Variants in PHC2 observed in about 807,000 individuals in gnomAD.
PHC2 encodes the protein polyhomeotic homolog 2.
In PHC2, 29 loss-of-function variants were observed where a neutral mutation model predicts 87.4. That is an observed-to-expected ratio of 0.33 (90% CI 0.25 to 0.45). The LOEUF is 0.45. PHC2 is among the 20% of genes least tolerant of loss of function. PHC2 has a pLI of 1.00. For synonymous variants in PHC2, 438 were observed against 461.7 expected, an observed-to-expected ratio of 0.95 and a Z score of 0.66; for missense variants, 857 against 1,136.7, an observed-to-expected ratio of 0.75 and a Z score of 3.54.
intron 1 of PHC2, among the ~76,000 whole-genome samples, chr1:33,411,027 C>T (rs142156448): frequency 2.0e-3 from 297 of 152,210 alleles, no homozygotes; most frequent in African/African-American, 6.6e-3. Context: ...ATTATGATTA[C>T]TAGTGCAAAA....
chr1:33,346,767 A>G (rs1045502879), intron 9 of PHC2: 2 of 985,400 alleles, frequency 2.0e-6, no homozygotes, highest in Non-Finnish European at 2.4e-6. Flanking sequence ...CCACAGCCTA[A>G]AGGAGGACAG....
At position 33,331,278 on chromosome 1, in the gene PHC2, G is replaced by A. The variant is rs6668431; in HGVS notation, c.2006+70C>T. 10,120 of 820,952 alleles carry A rather than the reference G, an allele frequency of 0.012. 106 individuals are homozygous for A. The highest frequency in any genetic ancestry group is 0.014 in the Non-Finnish European group (6,953 of 495,334). 50.9% of individuals were successfully genotyped at this position (820,952 alleles called of 1,614,324 possible). On this transcript the variant is annotated intron_variant, in intron 12 of 14. Coordinates refer to ENST00000683057, the MANE Select transcript of PHC2 (RefSeq NM_001385109.1). This position sits in a 1 kb window ranked among gnomAD's most constrained non-coding sequence, Gnocchi z 5.2. ...CCACCCCTATGGACCTCCTGGGGTA[G>A]ACTATTAATGGCAGGAGGTGGGACA...
intron 1 of PHC2, among the ~76,000 whole-genome samples, chr1:33,379,276 TTG>T: frequency 7.2e-6 from 1 of 139,118 alleles, no homozygotes; most frequent in South Asian, 2.5e-4. Flanking sequence ...GTTCTAGGCT[TTG>T]TCTCCCCGCC....
chr1:33,330,262 G>T, intron 12 of PHC2, 50 bp from the exon 13 acceptor site: 1 of 1,595,626 alleles, frequency 6.3e-7, no homozygotes. Flanking sequence ...TGTGCTTATG[G>T]GCCGTAGGCA....
At chr1:33,339,404 C>T (rs111856719) in intron 9 of PHC2, among the ~76,000 whole-genome samples, 19 of 152,114 alleles carry the variant, frequency 1.2e-4, no homozygotes, top group African/African-American at 3.1e-4. Flanking sequence ...ACCTGCCTAC[C>T]GGAGCGGCAT....
intron 1 of PHC2, among the ~76,000 whole-genome samples, chr1:33,403,823 T>C (rs138780645): frequency 6.6e-5 from 10 of 152,192 alleles, no homozygotes; most frequent in Admixed American, 3.9e-4. Context: ...ATTCTTTTCC[T>C]TGAAACAGTA....
intron 1 of PHC2, among the ~76,000 whole-genome samples, chr1:33,416,584 G>GGA (rs376546114): frequency 8.6e-6 from 1 of 115,842 alleles, no homozygotes; most frequent in Non-Finnish European, 1.7e-5. Flanking sequence ...TCAAAAAAAA[G>GGA]AAAAAAAAAA....
intron 4 of PHC2, 152 bp downstream of exon 4, chr1:33,370,865 G>A (rs1346186593): frequency 2.7e-6 from 2 of 733,230 alleles, no homozygotes; most frequent in African/African-American, 1.7e-5. Flanking sequence ...AGGTCAGTAA[G>A]AGACATGCCC....
intron 1 of PHC2, among the ~76,000 whole-genome samples, chr1:33,423,797 T>C (rs557471385): frequency 3.3e-4 from 51 of 152,298 alleles, no homozygotes; most frequent in African/African-American, 1.1e-3. Flanking sequence ...ACATATTTTT[T>C]ATTTAGAAAG....
At chr1:33,400,965 A>T (rs569397936) in intron 1 of PHC2, among the ~76,000 whole-genome samples, 7 of 152,312 alleles carry the variant, frequency 4.6e-5, no homozygotes, top group Non-Finnish European at 8.8e-5. Flanking sequence ...AAATAAAAGC[A>T]TTAAAGGAAT....
At chr1:33,394,085 T>A (rs144876342) in intron 1 of PHC2, among the ~76,000 whole-genome samples, 133 of 152,274 alleles carry the variant, frequency 8.7e-4, no homozygotes, top group African/African-American at 3.0e-3. Context: ...ATAATAAATT[T>A]CAGAAAATTT....
chr1:33,327,789 A>G (rs1274836464), intron 14 of PHC2, among the ~76,000 whole-genome samples: 1 of 152,176 alleles, frequency 6.6e-6, no homozygotes, highest in African/African-American at 2.4e-5. Flanking sequence ...CCCAGGGCAA[A>G]TCACGTGAGT....
chr1:33,405,161 C>T (rs943493233), intron 1 of PHC2, among the ~76,000 whole-genome samples: 8 of 151,316 alleles, frequency 5.3e-5, no homozygotes, highest in Admixed American at 1.3e-4. Context: ...TCTCCTCAAT[C>T]AGTCTTTATA....
intron 1 of PHC2, among the ~76,000 whole-genome samples, chr1:33,428,809 A>C (rs972716899): frequency 3.3e-5 from 5 of 152,202 alleles, no homozygotes; most frequent in African/African-American, 1.2e-4. Flanking sequence ...AACAGAAAGG[A>C]GGAGGCATTG....
intron 1 of PHC2, among the ~76,000 whole-genome samples, chr1:33,418,943 T>C (rs1486969540): frequency 6.6e-6 from 1 of 152,220 alleles, no homozygotes; most frequent in Non-Finnish European, 1.5e-5. Context: ...AAGCCCTGTA[T>C]AGCATAGTGT....
intron 1 of PHC2, among the ~76,000 whole-genome samples, chr1:33,426,320 G>T (rs1004440791): frequency 1.3e-5 from 2 of 151,972 alleles, no homozygotes; most frequent in Non-Finnish European, 2.9e-5. Flanking sequence ...AAGCTGCTGG[G>T]GGGGGGTCCA....
chr1:33,394,313 A>G (rs1649206848), intron 1 of PHC2, among the ~76,000 whole-genome samples: 1 of 152,108 alleles, frequency 6.6e-6, no homozygotes, highest in Admixed American at 6.6e-5. Context: ...AAAAAAAAGT[A>G]AAGGAAAAAG....
Position 33,370,475 on chromosome 1 carries a change from C to T in PHC2, c.522G>A (p.Thr174=), listed in dbSNP as rs200918499. Residue 174 remains threonine, a synonymous_variant, in exon 5 of 15, where the codon ACG becomes ACA. Coordinates refer to ENST00000683057, the MANE Select transcript of PHC2 (RefSeq NM_001385109.1). The part of the protein sequence containing the change: ...IAQQAVLLGN[T]SSPALTASQA... ...GGCTTGCAGTCAGGGCTGGGGAAGA[C>T]GTGTTGCCCAAGAGCACAGCCTGCT... The T allele has an allele frequency of 2.1e-5, 34 of 1,614,144 alleles. No individual in the cohort carries two copies. The East Asian group carries it at 6.9e-4, about 33-fold the overall frequency.
intron 1 of PHC2, among the ~76,000 whole-genome samples, chr1:33,401,590 T>C (rs1298057197): frequency 6.6e-6 from 1 of 152,178 alleles, no homozygotes; most frequent in Non-Finnish European, 1.5e-5. Flanking sequence ...ATTTATACCA[T>C]GGAAATCAGC....
Sources: gnomAD v4.1 joint callset for allele counts (sites outside exome capture counted in the v4.1 genomes callset) on GRCh38, gnomAD v4.1.1 for gene constraint, Gnocchi (gnomAD v3.1) non-coding constraint, MANE v1.5 for transcripts, NCBI Gene and HGNC (gene_info 2026-07-23, HGNC 2026-07-21) for gene names.